Variants in MAPRE3 observed in about 807,000 individuals in gnomAD.
MAPRE3 encodes the protein microtubule-associated protein RP/EB family member 3.
Under a neutral mutation model 30.5 loss-of-function variants are expected in MAPRE3, and 2 were observed. That is an observed-to-expected ratio of 0.07 (90% CI 0.03 to 0.21). The LOEUF is 0.21. Ranked by LOEUF, MAPRE3 falls within the 10% of genes least tolerant of loss-of-function variation. The probability of loss-of-function intolerance (pLI) is 1.00; values close to 1 mark genes in which losing one functional copy is unlikely to be tolerated. For synonymous variants in MAPRE3, 110 were observed against 127.7 expected, an observed-to-expected ratio of 0.86 and a Z score of 0.93; for missense variants, 204 against 351.8, an observed-to-expected ratio of 0.58 and a Z score of 3.36.
chr2:27,004,140 G>T (rs186927644), intron 1 of MAPRE3, among the ~76,000 whole-genome samples: 2 of 152,136 alleles, frequency 1.3e-5, no homozygotes, highest in Non-Finnish European at 2.9e-5. Flanking sequence ...GCAAAGAGAG[G>T]CCGCCTTTGC....
At chr2:26,991,906 A>G (rs1450475143) in intron 1 of MAPRE3, among the ~76,000 whole-genome samples, 3 of 152,156 alleles carry the variant, frequency 2.0e-5, no homozygotes, top group Admixed American at 1.3e-4. Flanking sequence ...TGCGTAAATC[A>G]TGCTAGACTT....
chr2:27,024,425 A>T (rs1445912566), intron 4 of MAPRE3, 128 bp downstream of exon 4: 5 of 818,872 alleles, frequency 6.1e-6, no homozygotes, highest in Non-Finnish European at 7.5e-6. Context: ...CGGAGTTCGG[A>T]TGACGCCGCC....
intron 1 of MAPRE3, among the ~76,000 whole-genome samples, chr2:26,996,232 A>C (rs2148209349): frequency 6.6e-6 from 1 of 151,790 alleles, no homozygotes; most frequent in East Asian, 1.9e-4. Context: ...AGCTCACTGC[A>C]GCCTGGATCT....
intron 3 of MAPRE3, chr2:27,023,748 A>G: frequency 1.9e-6 from 1 of 517,114 alleles, no homozygotes; most frequent in South Asian, 2.1e-5. Context: ...CGCTCCTGTG[A>G]AGTTCCACCT....
chr2:26,977,969 T>C (rs1425811099), intron 1 of MAPRE3, among the ~76,000 whole-genome samples: 1 of 152,226 alleles, frequency 6.6e-6, no homozygotes, highest in Non-Finnish European at 1.5e-5. Context: ...GCTCGAACTG[T>C]GCTGTGATAA....
intron 1 of MAPRE3, chr2:26,997,002 A>G (rs988583385): frequency 5.3e-5 from 8 of 152,172 alleles, no homozygotes; most frequent in African/African-American, 1.9e-4. Context: ...TTTTTATTCT[A>G]TTTTGAACTA....
chr2:26,974,995 C>T (rs769643640), intron 1 of MAPRE3, among the ~76,000 whole-genome samples: 69 of 152,160 alleles, frequency 4.5e-4, no homozygotes, highest in Admixed American at 1.6e-3. Context: ...AGGTTTGTAC[C>T]GGGAAGACCC....
At chr2:27,002,888 C>T (rs370283855) in intron 1 of MAPRE3, 1 of 152,236 alleles carries the variant, frequency 6.6e-6, no homozygotes, top group Non-Finnish European at 1.5e-5. Flanking sequence ...TGGCCTCTTT[C>T]GATACAGTGC....
At chr2:27,022,118 C>T in intron 1 of MAPRE3, 94 bp from the exon 2 acceptor site, 1 of 1,432,622 alleles carries the variant, frequency 7.0e-7, no homozygotes, top group Non-Finnish European at 9.5e-7. Context: ...GGGAATGTTT[C>T]TTACTTCCCA....
intron 1 of MAPRE3, among the ~76,000 whole-genome samples, chr2:26,972,336 G>A (rs1444296108): frequency 6.6e-6 from 1 of 152,214 alleles, no homozygotes; most frequent in Non-Finnish European, 1.5e-5. Flanking sequence ...TCTTTACTTT[G>A]CTCAATCATG....
chr2:26,981,255 G>A (rs1182349736), intron 1 of MAPRE3, among the ~76,000 whole-genome samples: 1 of 152,132 alleles, frequency 6.6e-6, no homozygotes, highest in East Asian at 1.9e-4. Context: ...GTGGGGACGG[G>A]CACCAGGAAT....
At chr2:27,021,228 C>T (rs1194890150) in intron 1 of MAPRE3, among the ~76,000 whole-genome samples, 16 of 152,096 alleles carry the variant, frequency 1.1e-4, no homozygotes, top group Non-Finnish European at 2.1e-4. Context: ...AACAAATTCC[C>T]TCATGAATAC....
At chr2:26,980,491 T>A (rs1423234076) in intron 1 of MAPRE3, among the ~76,000 whole-genome samples, 2 of 152,254 alleles carry the variant, frequency 1.3e-5, no homozygotes, top group Non-Finnish European at 2.9e-5. Flanking sequence ...ATTGACATAA[T>A]CCATATATTT....
Position 27,015,156 on chromosome 2 carries a change from G to C in MAPRE3, c.-7-7056G>C, listed in dbSNP as rs1666954309. Among the ~76,000 whole-genome samples the C allele has an allele frequency of 6.6e-6, 1 of 152,244 alleles. No individual in the cohort carries two copies. The highest frequency in any genetic ancestry group is 2.1e-4 in the South Asian group (1 of 4,830). ...GGCATTTCCATGGTCTGAGACCAGA[G>C]GCTGGCTGTGTGTCAGGCACCTACT... On this transcript the variant is annotated intron_variant, in intron 1 of 6. Transcript: ENST00000233121. The surrounding 1 kb of genome is among the most constrained non-coding windows in gnomAD (Gnocchi z 4.0).
At chr2:27,001,803 T>TAA (rs1666605979) in intron 1 of MAPRE3, among the ~76,000 whole-genome samples, 2 of 152,268 alleles carry the variant, frequency 1.3e-5, no homozygotes, top group Non-Finnish European at 2.9e-5. Flanking sequence ...GTTGTTGATG[T>TAA]AAACATTGTG....
intron 1 of MAPRE3, among the ~76,000 whole-genome samples, chr2:26,991,053 A>C (rs528847184): frequency 4.1e-4 from 62 of 152,268 alleles, no homozygotes; most frequent in African/African-American, 1.4e-3. Context: ...GCAGATTGAG[A>C]CCATCCTGGC....
intron 1 of MAPRE3, among the ~76,000 whole-genome samples, chr2:26,981,667 A>G (rs1434855901): frequency 6.6e-6 from 1 of 152,144 alleles, no homozygotes; most frequent in African/African-American, 2.4e-5. Flanking sequence ...ATGAAGGAGA[A>G]ATGAAGATGG....
intron 1 of MAPRE3, among the ~76,000 whole-genome samples, chr2:26,972,485 A>G (rs1345478133): frequency 6.6e-6 from 1 of 152,220 alleles, no homozygotes; most frequent in African/African-American, 2.4e-5. Context: ...CCAGCAGGGC[A>G]GTTTCTTCTG....
At chr2:26,977,942 A>G (rs556662697) in intron 1 of MAPRE3, among the ~76,000 whole-genome samples, 10 of 152,354 alleles carry the variant, frequency 6.6e-5, no homozygotes, top group African/African-American at 2.4e-4. Flanking sequence ...GTTGAAGAAC[A>G]TATGGCCTGT....
Sources: gnomAD v4.1 joint callset for allele counts (sites outside exome capture counted in the v4.1 genomes callset) on GRCh38, gnomAD v4.1.1 for gene constraint, Gnocchi (gnomAD v3.1) non-coding constraint, MANE v1.5 for transcripts, NCBI Gene and HGNC (gene_info 2026-07-23, HGNC 2026-07-21) for gene names.